Variants in CYP19A1 observed in about 807,000 individuals in gnomAD.
CYP19A1 encodes the protein cytochrome P450 family 19 subfamily A member 1, also known as aromatase.
A neutral mutation model predicts 44.4 loss-of-function variants in CYP19A1; 32 were observed. The observed-to-expected ratio is 0.72, with a 90% CI of 0.54 to 0.97. The LOEUF is 0.97. CYP19A1 is among the 50% of genes least tolerant of loss of function. CYP19A1 has a pLI of 0.00. For synonymous variants in CYP19A1, 212 were observed against 215.6 expected, an observed-to-expected ratio of 0.98 and a Z score of 0.14; for missense variants, 598 against 637.8, an observed-to-expected ratio of 0.94 and a Z score of 0.67.
chr15:51,297,832 A>ACACACC (rs1387644948), intron 1 of CYP19A1, among the ~76,000 whole-genome samples: 1 of 144,788 alleles, frequency 6.9e-6, no homozygotes, highest in African/African-American at 2.5e-5. Flanking sequence ...ACACACACAC[A>ACACACC]CACACACACA....
chr15:51,210,655 C>T lies in CYP19A1; in HGVS notation c.*153G>A, dbSNP rs2141029019. On this transcript the variant is annotated 3_prime_UTR_variant, in exon 10 of 10. Coordinates refer to ENST00000396402, the MANE Select transcript of CYP19A1 (RefSeq NM_000103.4). ...GAACAGGAGCAGATGACAAATAGCA[C>T]CTAGCTTGGTGACAACCCATAGGAG... 2.6e-6 allele frequency: 2 copies of T among 760,790 alleles called. No homozygotes were observed. Among genetic ancestry groups the T allele is most frequent in the East Asian group, 2.5e-5 (1 of 40,680 alleles). The allele number at this position is 760,790 out of a possible 1,614,324, so 47.1% of individuals were successfully genotyped here. A position where few individuals can be genotyped will look rare whatever the true frequency, so the allele number is the denominator to read the frequency against.
chr15:51,230,768 G>A (rs900592977), intron 3 of CYP19A1, among the ~76,000 whole-genome samples: 1 of 151,878 alleles, frequency 6.6e-6, no homozygotes, highest in Non-Finnish European at 1.5e-5. Context: ...ACAGGCACCC[G>A]CCACCACACC....
intron 3 of CYP19A1, among the ~76,000 whole-genome samples, chr15:51,233,502 T>TA (rs981115508): frequency 2.6e-5 from 4 of 152,222 alleles, no homozygotes; most frequent in African/African-American, 9.6e-5. Context: ...AAGAAATATT[T>TA]AATGGATGAA....
intron 1 of CYP19A1, among the ~76,000 whole-genome samples, chr15:51,267,211 C>T (rs1040713853): frequency 4.6e-5 from 7 of 152,128 alleles, no homozygotes; most frequent in African/African-American, 1.7e-4. Flanking sequence ...TATTGTGTCC[C>T]ATTCACAGCT....
intron 1 of CYP19A1, chr15:51,312,214 C>T (rs2036326220): frequency 6.6e-6 from 1 of 152,210 alleles, no homozygotes; most frequent in Non-Finnish European, 1.5e-5. Flanking sequence ...GAAAACTTTT[C>T]ATTTTCAATA....
intron 1 of CYP19A1, among the ~76,000 whole-genome samples, chr15:51,284,424 A>G (rs562186455): frequency 1.3e-5 from 2 of 152,252 alleles, no homozygotes; most frequent in African/African-American, 4.8e-5. Flanking sequence ...CAGTTCCTTG[A>G]TTTTACCATG....
At chr15:51,272,607 G>C (rs917641080) in intron 1 of CYP19A1, among the ~76,000 whole-genome samples, 2 of 152,174 alleles carry the variant, frequency 1.3e-5, no homozygotes, top group Non-Finnish European at 2.9e-5. Context: ...ATATTAATGA[G>C]TTCGTACCTT....
intron 1 of CYP19A1, among the ~76,000 whole-genome samples, chr15:51,333,196 C>G (rs572197618): frequency 6.6e-6 from 1 of 152,260 alleles, no homozygotes; most frequent in South Asian, 2.1e-4. Context: ...TTGCTGTGCC[C>G]CCTAAGTATA....
intron 1 of CYP19A1, chr15:51,255,375 C>T (rs949712104): frequency 6.6e-6 from 1 of 152,182 alleles, no homozygotes; most frequent in African/African-American, 2.4e-5. Flanking sequence ...ATGTGTTCAC[C>T]ATTTCTCATT....
chr15:51,217,539 C>T lies in CYP19A1; in HGVS notation c.743+1002G>A, dbSNP rs533417723. 4.5e-4 allele frequency among the ~76,000 whole-genome samples: 69 copies of T among 152,290 alleles called. 1 individual carries two copies. Among genetic ancestry groups the T allele is most frequent in the Middle Eastern group, 3.4e-3 (1 of 294 alleles). On this transcript the variant is annotated intron_variant, in intron 6 of 9. Coordinates refer to ENST00000396402, the MANE Select transcript of CYP19A1 (RefSeq NM_000103.4). ...GAGAATAAACAAAACAACATCAAGT[C>T]GGCTTCTTCTCTAGAAACTAATATT...
intron 1 of CYP19A1, among the ~76,000 whole-genome samples, chr15:51,274,636 T>C (rs749781677): frequency 6.6e-6 from 1 of 152,158 alleles, no homozygotes; most frequent in African/African-American, 2.4e-5. Flanking sequence ...CCCACCTACA[T>C]GAACTGTCTG....
chr15:51,293,215 C>T (rs1372985330), intron 1 of CYP19A1, among the ~76,000 whole-genome samples: 1 of 152,036 alleles, frequency 6.6e-6, no homozygotes, highest in Non-Finnish European at 1.5e-5. Flanking sequence ...CACTAAAGAA[C>T]TTGTTCATGT....
At chr15:51,329,062 A>G (rs1158289208) in intron 1 of CYP19A1, among the ~76,000 whole-genome samples, 1 of 152,136 alleles carries the variant, frequency 6.6e-6, no homozygotes, top group Admixed American at 6.5e-5. Context: ...CAGCCTACAT[A>G]ATTGCATGAG....
chr15:51,246,849 T>C (rs1396294108), intron 1 of CYP19A1, among the ~76,000 whole-genome samples: 2 of 152,148 alleles, frequency 1.3e-5, no homozygotes, highest in African/African-American at 2.4e-5. Context: ...GGTGCCAAGC[T>C]TGCACTCCCT....
chr15:51,325,427 A>T (rs943220973), intron 1 of CYP19A1, among the ~76,000 whole-genome samples: 1 of 152,196 alleles, frequency 6.6e-6, no homozygotes, highest in African/African-American at 2.4e-5. Flanking sequence ...TTGGGCTAGC[A>T]GAGTATGACA....
intron 1 of CYP19A1, chr15:51,312,120 T>G (rs1186102784): frequency 6.6e-6 from 1 of 152,204 alleles, no homozygotes; most frequent in Non-Finnish European, 1.5e-5. Context: ...AGAATGGAAG[T>G]CAGCTTTCCC....
chr15:51,237,149 T>A (rs907301942), intron 2 of CYP19A1, 140 bp from the exon 3 acceptor site: 2 of 985,150 alleles, frequency 2.0e-6, no homozygotes, highest in Admixed American at 4.9e-5. Context: ...AATAAAGTGA[T>A]TTGAAACAAA....
intron 1 of CYP19A1, among the ~76,000 whole-genome samples, chr15:51,272,368 T>G (rs1048973031): frequency 6.6e-6 from 1 of 152,236 alleles, no homozygotes; most frequent in Non-Finnish European, 1.5e-5. Flanking sequence ...ATGTCTTATT[T>G]AACTTTATAG....
intron 6 of CYP19A1, 46 bp from the exon 7 acceptor site, chr15:51,215,863 A>G (rs762275491): frequency 1.9e-6 from 3 of 1,609,768 alleles, no homozygotes; most frequent in Non-Finnish European, 2.5e-6. Flanking sequence ...CAGTTTAGAC[A>G]TCTAGCGAAA....
Sources: allele counts gnomAD v4.1 joint callset (sites outside exome capture counted in the v4.1 genomes callset), GRCh38; gene constraint gnomAD v4.1.1; transcripts MANE v1.5; gene names NCBI Gene and HGNC (gene_info 2026-07-23, HGNC 2026-07-21).